EBF3: variants seen among roughly 807,000 people sequenced by gnomAD.
EBF3 encodes EBF transcription factor 3.
EBF3 carries 18 observed loss-of-function variants against 77.1 expected under a neutral mutation model. That is an observed-to-expected ratio of 0.23 (90% CI 0.16 to 0.35). EBF3 has a LOEUF of 0.35. EBF3 is among the 10% of genes least tolerant of loss of function. The pLI, the probability that EBF3 is intolerant of heterozygous loss-of-function variation, is 1.00. For synonymous variants in EBF3, 350 were observed against 343.5 expected (o/e 1.02, Z -0.21); for missense variants, 558 against 860.0 (o/e 0.65, Z 4.39).
At chr10:129,846,319 A>C (rs1412455581) in intron 11 of EBF3, among the ~76,000 whole-genome samples, 1 of 152,004 alleles carries the variant, frequency 6.6e-6, no homozygotes, top group East Asian at 1.9e-4. Flanking sequence ...CTGTCGCCCC[A>C]CAATTACCCA....
intron 7 of EBF3, 52 bp from the exon 8 acceptor site, chr10:129,873,648 C>G: frequency 6.9e-7 from 1 of 1,442,694 alleles, no homozygotes; most frequent in Non-Finnish European, 9.2e-7. Context: ...AAAGCAGAGC[C>G]CCCTGTTAGG....
In EBF3 at chr10:129,861,835, G is replaced by A. The variant is rs556673724; in HGVS notation, c.1039+5306C>T. 7.9e-5 allele frequency among the ~76,000 whole-genome samples: 12 copies of A among 152,316 alleles called. No individual in the cohort carries two copies. The highest frequency in any genetic ancestry group is 2.4e-4 in the African/African-American group (10 of 41,548). ...AGTAAAAATAGTATGATTTGTGGGC[G>A]GCAATTAAGCATCATTTGCTCTGTG... On this transcript the variant is annotated intron_variant, in intron 10 of 16. Transcript: ENST00000440978. This position sits in a 1 kb window ranked among gnomAD's most constrained non-coding sequence, Gnocchi z 4.3.
In EBF3 at chr10:129,867,304, G is replaced by A. The variant is rs190039206; in HGVS notation, c.913-37C>T. 1.4e-4 allele frequency: 228 copies of A among 1,611,130 alleles called. 1 individual carries two copies. The African/African-American group carries it at 2.7e-3, about 19-fold the overall frequency. The stretch of plus-strand genomic sequence containing the variant: ...ACACGGTGAACAGGCGCTCAGCGGC[G>A]CTGGCTATGAGAGGCGGACACTTGC... On this transcript the variant is annotated intron_variant, in intron 9 of 16. Transcript: ENST00000440978.
At position 129,935,146 on chromosome 10, in the gene EBF3, G is replaced by T. The variant is rs1372387091; in HGVS notation, c.554+22112C>A. Among the ~76,000 whole-genome samples the T allele has an allele frequency of 1.3e-5, 2 of 152,170 alleles. No individual in the cohort carries two copies. The highest frequency in any genetic ancestry group is 2.9e-5 in the Non-Finnish European group (2 of 68,026). ...CCCTCTAGTGGATCATGATGTGGAT[G>T]CATTTTCCTGTCTCCACTCCAGCCA... On this transcript the variant is annotated intron_variant, in intron 6 of 16. Transcript: ENST00000440978. The surrounding 1 kb of genome is among the most constrained non-coding windows in gnomAD (Gnocchi z 4.2).
In EBF3 at chr10:129,863,093, C is replaced by T. The variant is rs1482327019; in HGVS notation, c.1039+4048G>A. The stretch of plus-strand genomic sequence containing the variant: ...ACCAGTTTATATTGCATTTTACAGT[C>T]TAGAAGGCAATTTACTATTAACTGG... On this transcript the variant is annotated intron_variant, in intron 10 of 16. Transcript: ENST00000440978. This position sits in a 1 kb window ranked among gnomAD's most constrained non-coding sequence, Gnocchi z 4.0. Among the ~76,000 whole-genome samples the T allele has an allele frequency of 6.6e-6, 1 of 152,174 alleles. No individual in the cohort carries two copies. The highest frequency in any genetic ancestry group is 2.1e-4 in the South Asian group (1 of 4,830).
chr10:129,840,754 C>T (rs1329216352), intron 14 of EBF3, 90 bp downstream of exon 14: 1 of 1,504,134 alleles, frequency 6.6e-7, no homozygotes, highest in Admixed American at 2.0e-5. Context: ...TCCAGTAGCT[C>T]ACATCACAGA....
chr10:129,917,841 GCTC>G (rs1233526865), intron 6 of EBF3, among the ~76,000 whole-genome samples: 3 of 152,146 alleles, frequency 2.0e-5, no homozygotes, highest in Admixed American at 6.5e-5. Flanking sequence ...CTAGCCTCAA[GCTC>G]CTCATCTTTA....
chr10:129,854,202 C>T (rs1851088878), intron 10 of EBF3, among the ~76,000 whole-genome samples: 1 of 152,164 alleles, frequency 6.6e-6, no homozygotes. Context: ...CATCAACTGT[C>T]TCCTCCAAGT....
chr10:129,922,126 C>A (rs932992164), intron 6 of EBF3, among the ~76,000 whole-genome samples: 2 of 152,224 alleles, frequency 1.3e-5, no homozygotes, highest in African/African-American at 4.8e-5. Context: ...GCCTCGAATT[C>A]CCCTGCTGTA....
intron 10 of EBF3, among the ~76,000 whole-genome samples, chr10:129,857,356 CCTT>C (rs1851322469): frequency 6.6e-6 from 1 of 152,156 alleles, no homozygotes; most frequent in African/African-American, 2.4e-5. Flanking sequence ...CATCTGACCT[CCTT>C]CTTGCCACGG....
chr10:129,899,502 T>A (rs1329104142), intron 6 of EBF3, among the ~76,000 whole-genome samples: 2 of 152,180 alleles, frequency 1.3e-5, no homozygotes, highest in African/African-American at 4.8e-5. Flanking sequence ...CAGCCAGCCA[T>A]GTGGCTAAAA....
intron 6 of EBF3, among the ~76,000 whole-genome samples, chr10:129,914,999 C>T (rs1346768093): frequency 6.6e-6 from 1 of 152,184 alleles, no homozygotes; most frequent in East Asian, 1.9e-4. Flanking sequence ...GGGACAGAGC[C>T]CCTGAGCCAA....
chr10:129,854,616 C>T (rs996113396), intron 10 of EBF3, among the ~76,000 whole-genome samples: 2 of 152,132 alleles, frequency 1.3e-5, no homozygotes, highest in Non-Finnish European at 1.5e-5. Flanking sequence ...CCTCTGCAGC[C>T]GATTGCAGGT....
rs1487228688 is a variant in EBF3, at chr10:129,947,468, T to A, written c.554+9790A>T. The stretch of plus-strand genomic sequence containing the variant: ...AAAAGCCAACAACTGCACTGAATGC[T>A]GAATTCATTCTGTTCTTATGCCACG... On this transcript the variant is annotated intron_variant, in intron 6 of 16. Coordinates refer to ENST00000440978, the MANE Select transcript of EBF3 (RefSeq NM_001375380.1). This position sits in a 1 kb window ranked among gnomAD's most constrained non-coding sequence, Gnocchi z 4.5. Among the ~76,000 whole-genome samples, 3 of 152,246 alleles carry A rather than the reference T, an allele frequency of 2.0e-5. No homozygotes were observed. Among genetic ancestry groups the A allele is most frequent in the Non-Finnish European group, 4.4e-5 (3 of 68,044 alleles).
In EBF3 at chr10:129,848,607, G is replaced by C; in HGVS notation, c.1040-127C>G. On this transcript the variant is annotated intron_variant, in intron 10 of 16. Transcript: ENST00000440978. The surrounding 1 kb of genome is among the most constrained non-coding windows in gnomAD (Gnocchi z 4.4). ...GATGCTCTCTAAGGCAAGCACCCCT[G>C]AATACTAGCTGTGTCTTAAGGAATA... The C allele has an allele frequency of 1.1e-6, 1 of 922,772 alleles. No homozygotes were observed. The highest frequency in any genetic ancestry group is 1.8e-6 in the Non-Finnish European group (1 of 563,260). The allele number at this position is 922,772 out of a possible 1,614,324, so 57.2% of individuals were successfully genotyped here.
chr10:129,884,419 C>T (rs1853426492), intron 6 of EBF3, among the ~76,000 whole-genome samples: 1 of 152,132 alleles, frequency 6.6e-6, no homozygotes, highest in South Asian at 2.1e-4. Context: ...TCACTCCTGC[C>T]ATTAGCTATT....
At chr10:129,954,700 T>C (rs1858916352) in intron 6 of EBF3, among the ~76,000 whole-genome samples, 2 of 152,188 alleles carry the variant, frequency 1.3e-5, no homozygotes, top group African/African-American at 4.8e-5. Context: ...AAATATGCCT[T>C]ATCTGGTCAG....
chr10:129,887,258 A>T (rs939744001), intron 6 of EBF3, among the ~76,000 whole-genome samples: 1 of 152,224 alleles, frequency 6.6e-6, no homozygotes, highest in Non-Finnish European at 1.5e-5. Flanking sequence ...AGCTTGATCC[A>T]GCCTGATCTC....
chr10:129,953,471 G>T (rs1404637087), intron 6 of EBF3, among the ~76,000 whole-genome samples: 1 of 150,882 alleles, frequency 6.6e-6, no homozygotes, highest in African/African-American at 2.4e-5. Flanking sequence ...CAGATGTCTG[G>T]CTTCCAGACA....
Sources: gnomAD v4.1 joint callset for allele counts (sites outside exome capture counted in the v4.1 genomes callset) on GRCh38, gnomAD v4.1.1 for gene constraint, Gnocchi (gnomAD v3.1) non-coding constraint, MANE v1.5 for transcripts, NCBI Gene and HGNC (gene_info 2026-07-23, HGNC 2026-07-21) for gene names.